The following GRID1 variants were observed in gnomAD, a reference collection of about 807,000 sequenced individuals.
GRID1 encodes the protein glutamate ionotropic receptor delta type subunit 1, also known as glutamate receptor ionotropic, delta-1.
A neutral mutation model predicts 98.0 loss-of-function variants in GRID1; 28 were observed. The ratio of observed to expected loss-of-function variants is 0.29; its 90% CI spans 0.21 to 0.39. GRID1 has a LOEUF of 0.39. Ranked by LOEUF, GRID1 falls within the 10% of genes least tolerant of loss-of-function variation. The pLI, the probability that GRID1 is intolerant of heterozygous loss-of-function variation, is 1.00. For synonymous variants in GRID1, 553 were observed against 538.5 expected, an observed-to-expected ratio of 1.03 and a Z score of -0.37; for missense variants, 1,111 against 1,340.5, an observed-to-expected ratio of 0.83 and a Z score of 2.67.
intron 2 of GRID1, among the ~76,000 whole-genome samples, chr10:86,273,925 C>G (rs999540682): frequency 6.6e-6 from 1 of 151,632 alleles, no homozygotes; most frequent in Non-Finnish European, 1.5e-5. Context: ...AATTAGATCC[C>G]ATTTGTCAAT....
chr10:85,799,892 C>T (rs929369919), intron 8 of GRID1, among the ~76,000 whole-genome samples: 1 of 151,950 alleles, frequency 6.6e-6, no homozygotes, highest in African/African-American at 2.4e-5. Flanking sequence ...AAAGAAATGA[C>T]AAATGTTTGA....
At chr10:86,198,133 G>A (rs917521677) in intron 3 of GRID1, among the ~76,000 whole-genome samples, 6 of 152,024 alleles carry the variant, frequency 3.9e-5, no homozygotes, top group Admixed American at 6.6e-5. Context: ...TTTCTTCCAC[G>A]GAATTTTACT....
intron 2 of GRID1, among the ~76,000 whole-genome samples, chr10:86,352,156 TAA>T (rs1848472614): frequency 6.6e-6 from 1 of 152,160 alleles, no homozygotes; most frequent in Non-Finnish European, 1.5e-5. Context: ...CAGCTCAGCA[TAA>T]AGACTGGTTC....
rs977432962 is a variant in GRID1 at position 85,825,354 on chromosome 10, A to G, written c.1233+29142T>C. Among the ~76,000 whole-genome samples, 2 of 147,898 alleles carry G rather than the reference A, an allele frequency of 1.4e-5. 1 individual carries two copies. Among genetic ancestry groups the G allele is most frequent in the Admixed American group, 1.3e-4 (2 of 14,834 alleles). Reference sequence around the variant, plus strand: ...ATCTTCTTTTGAAAAGTGTCTATTCATGTCATTTGTCCATTTTCTGATGGG... The same window carrying G: ...ATCTTCTTTTGAAAAGTGTCTATTCGTGTCATTTGTCCATTTTCTGATGGG... On this transcript the variant is annotated intron_variant, in intron 8 of 15. Coordinates refer to ENST00000327946, the MANE Select transcript of GRID1 (RefSeq NM_017551.3).
chr10:86,060,620 C>T lies in GRID1; in HGVS notation c.726+78199G>A, dbSNP rs1242257416. Among the ~76,000 whole-genome samples the T allele has an allele frequency of 2.6e-5, 4 of 152,306 alleles. No homozygotes were observed. The East Asian group carries it at 5.8e-4, about 22-fold the overall frequency. On this transcript the variant is annotated intron_variant, in intron 4 of 15. Transcript: ENST00000327946. ...GTCACTTAACCATGTCAGGTGTCCC[C>T]GGGTGTCGGATGCTCCACCACAGCA...
At chr10:85,841,173 C>T (rs1020398098) in intron 8 of GRID1, among the ~76,000 whole-genome samples, 3 of 151,920 alleles carry the variant, frequency 2.0e-5, no homozygotes, top group African/African-American at 7.2e-5. Context: ...AGAAAACCCA[C>T]AAATAAGTCC....
At chr10:86,239,123 G>A (rs368390142) in intron 2 of GRID1, among the ~76,000 whole-genome samples, 29 of 152,352 alleles carry the variant, frequency 1.9e-4, no homozygotes, top group African/African-American at 2.4e-4. Context: ...GGACAGAGCC[G>A]CCCAAGGCCC....
intron 4 of GRID1, among the ~76,000 whole-genome samples, chr10:86,025,228 G>T (rs146840448): frequency 2.0e-5 from 3 of 152,170 alleles, no homozygotes; most frequent in African/African-American, 7.2e-5. Context: ...TGCAGACCAC[G>T]AATAGTAACA....
At chr10:86,159,021 G>A (rs1564692756) in intron 3 of GRID1, among the ~76,000 whole-genome samples, 1 of 152,118 alleles carries the variant, frequency 6.6e-6, no homozygotes, top group Non-Finnish European at 1.5e-5. Flanking sequence ...AGCCTCCCGA[G>A]TAGCTGGGAC....
At chr10:85,637,029 T>A (rs762307281) in intron 13 of GRID1, among the ~76,000 whole-genome samples, 1 of 152,214 alleles carries the variant, frequency 6.6e-6, no homozygotes, top group Non-Finnish European at 1.5e-5. Flanking sequence ...AATTTTTACA[T>A]CAATTTACAT....
intron 5 of GRID1, among the ~76,000 whole-genome samples, chr10:85,883,878 C>A (rs1388383565): frequency 6.6e-6 from 1 of 152,298 alleles, no homozygotes; most frequent in East Asian, 1.9e-4. Context: ...ATTTTCCTTG[C>A]CATCTCCTTC....
At chr10:85,669,209 C>T (rs1313388268) in intron 12 of GRID1, among the ~76,000 whole-genome samples, 3 of 152,176 alleles carry the variant, frequency 2.0e-5, no homozygotes, top group African/African-American at 7.2e-5. Flanking sequence ...CCACCAAGCC[C>T]ACTCCAAATG....
intron 2 of GRID1, among the ~76,000 whole-genome samples, chr10:86,256,141 A>T (rs1203782057): frequency 6.6e-6 from 1 of 152,166 alleles, no homozygotes; most frequent in African/African-American, 2.4e-5. Context: ...CCTGGACAGA[A>T]GGGTGACTCC....
At chr10:85,838,821 T>C (rs140352024) in intron 8 of GRID1, among the ~76,000 whole-genome samples, 1 of 151,978 alleles carries the variant, frequency 6.6e-6, no homozygotes, top group Non-Finnish European at 1.5e-5. Context: ...ATATAAATGA[T>C]CTAAATGCCC....
chr10:85,613,875 T>G (rs1198920639), intron 14 of GRID1, among the ~76,000 whole-genome samples: 1 of 152,176 alleles, frequency 6.6e-6, no homozygotes, highest in Non-Finnish European at 1.5e-5. Flanking sequence ...ACAGCCCCTC[T>G]GCCCTCTCCC....
intron 4 of GRID1, among the ~76,000 whole-genome samples, chr10:86,017,477 C>T (rs12571625): frequency 0.019 from 2,847 of 152,308 alleles, 98 homozygotes; most frequent in African/African-American, 0.066. Flanking sequence ...GGAGACAGAA[C>T]TACGCACCAG....
intron 8 of GRID1, among the ~76,000 whole-genome samples, chr10:85,803,350 T>C (rs1842594586): frequency 1.3e-5 from 2 of 152,106 alleles, no homozygotes; most frequent in Admixed American, 1.3e-4. Flanking sequence ...CCTATAAATA[T>C]ATACACCTAT....
At chr10:86,115,039 G>C (rs191561093) in intron 4 of GRID1, among the ~76,000 whole-genome samples, 156 of 152,298 alleles carry the variant, frequency 1.0e-3, no homozygotes, top group Non-Finnish European at 2.0e-3. Context: ...GAGGGAAAGA[G>C]GAACAGAAAG....
chr10:86,245,498 TA>T (rs1846709823), intron 2 of GRID1, among the ~76,000 whole-genome samples: 1 of 145,140 alleles, frequency 6.9e-6, no homozygotes, highest in African/African-American at 2.5e-5. Context: ...CCATTTGCTT[TA>T]CTCCATTCCT....
Sources: gnomAD v4.1 joint callset for allele counts (sites outside exome capture counted in the v4.1 genomes callset) on GRCh38, gnomAD v4.1.1 for gene constraint, MANE v1.5 for transcripts, NCBI Gene and HGNC (gene_info 2026-07-23, HGNC 2026-07-21) for gene names.